DNAJC13: variants seen among roughly 807,000 people sequenced by gnomAD.
DNAJC13 encodes the protein dnaJ homolog subfamily C member 13.
A neutral mutation model predicts 290.5 loss-of-function variants in DNAJC13; 75 were observed. The observed-to-expected ratio is 0.26, with a 90% confidence interval of 0.21 to 0.31. The LOEUF (loss-of-function observed/expected upper bound fraction) is 0.31, where lower values mean the gene tolerates loss of function less well. Ranked by LOEUF, DNAJC13 falls within the 10% of genes least tolerant of loss-of-function variation. DNAJC13 has a pLI of 1.00. For missense variants in DNAJC13, 2,260 were observed against 2,674.5 expected (o/e 0.85, Z 3.42); for synonymous variants, 862 against 892.0 (o/e 0.97, Z 0.60).
In DNAJC13 at chr3:132,526,431, A is replaced by G. The variant is rs895955122; in HGVS notation, c.6381+150A>G. ...GTATAAACAATTTTATATTTTATAT[A>G]TACAAACACATACAGTAGTGTGTAT... On this transcript the variant is annotated intron_variant, in intron 53 of 55. Transcript: ENST00000260818. The G allele has an allele frequency of 1.1e-5, 9 of 812,612 alleles. No individual in the cohort carries two copies. The East Asian group carries it at 1.6e-4, about 15-fold the overall frequency. The allele number at this position is 812,612 out of a possible 1,614,324, so 50.3% of individuals were successfully genotyped here. A position where few individuals can be genotyped will look rare whatever the true frequency, so the allele number is the denominator to read the frequency against.
chr3:132,469,998 A>AT (rs1934141537), intron 20 of DNAJC13, among the ~76,000 whole-genome samples: 1 of 52,208 alleles, frequency 1.9e-5, no homozygotes, highest in Non-Finnish European at 3.8e-5. Flanking sequence ...TTTTTAATTT[A>AT]TTTTTTTATT....
chr3:132,529,355 C>G (rs1228721065), intron 54 of DNAJC13, among the ~76,000 whole-genome samples: 1 of 152,124 alleles, frequency 6.6e-6, no homozygotes, highest in Non-Finnish European at 1.5e-5. Flanking sequence ...TGGGTTATTT[C>G]CCCTACTAAT....
Position 132,477,873 on chromosome 3 carries a change from A to G in DNAJC13, c.2530A>G (p.Ser844Gly), listed in dbSNP as rs773001257. ...LLLEEDENEE[S>G]GSIKRSYEFF... The stretch of plus-strand genomic sequence containing the variant: ...ATTGGAGGAAGATGAGAATGAAGAA[A>G]GTGGATCAATTAAGAGATCGTGAGC... The change falls in exon 23 of 56, where the codon AGT (serine) becomes GGT (glycine). Residue 844 changes from serine (S) to glycine (G), a missense_variant. This residue lies in a region of DNAJC13 where 1,494 missense variants were observed against 1,693.7 expected (regional missense o/e 0.88). Coordinates refer to ENST00000260818, the MANE Select transcript of DNAJC13 (RefSeq NM_015268.4). The G allele has an allele frequency of 2.5e-6, 4 of 1,613,190 alleles. No homozygotes were observed. The highest frequency in any genetic ancestry group is 3.4e-6 in the Non-Finnish European group (4 of 1,179,604).
At chr3:132,533,868 T>C (rs1039387613) in intron 55 of DNAJC13, among the ~76,000 whole-genome samples, 3 of 152,192 alleles carry the variant, frequency 2.0e-5, no homozygotes, top group Non-Finnish European at 4.4e-5. Context: ...TAGGGGTTTA[T>C]CTTCAGAAAC....
In DNAJC13 at chr3:132,474,648, CT is replaced by C. The variant is rs148159904; in HGVS notation, c.2292-277del. Among the ~76,000 whole-genome samples, 14,010 of 150,152 alleles carry C rather than the reference CT, an allele frequency of 0.093. 810 individuals carry two copies. Among genetic ancestry groups the C allele is most frequent in the South Asian group, 0.14 (676 of 4,682 alleles). ...CAGATTTGTTTCATAGTTTAGGTTC[CT>C]TTTTTTCCTCAACTTTTTATTATGA... On this transcript the variant is annotated intron_variant, in intron 21 of 55. Coordinates refer to ENST00000260818, the MANE Select transcript of DNAJC13 (RefSeq NM_015268.4).
At chr3:132,438,053 A>G (rs1559868840) in intron 2 of DNAJC13, among the ~76,000 whole-genome samples, 6 of 144,838 alleles carry the variant, frequency 4.1e-5, no homozygotes, top group Admixed American at 4.1e-4. Context: ...CGTGTCTCAA[A>G]AAAAAAAAAA....
At chr3:132,509,116 C>G (rs1935694051) in intron 43 of DNAJC13, among the ~76,000 whole-genome samples, 1 of 152,222 alleles carries the variant, frequency 6.6e-6, no homozygotes, top group African/African-American at 2.4e-5. Context: ...AGTGATTCCT[C>G]TAATGGATGT....
chr3:132,532,733 T>A (rs1380059994), intron 55 of DNAJC13, among the ~76,000 whole-genome samples: 1 of 151,696 alleles, frequency 6.6e-6, no homozygotes, highest in Non-Finnish European at 1.5e-5. Flanking sequence ...ATCTGCCTTA[T>A]TTTTATTTTA....
chr3:132,431,298 AT>A (rs1202780730), intron 1 of DNAJC13, among the ~76,000 whole-genome samples: 1 of 152,222 alleles, frequency 6.6e-6, no homozygotes, highest in Admixed American at 6.5e-5. Flanking sequence ...TGAATAATAA[AT>A]TGCACATTAG....
chr3:132,457,299 A>G lies in DNAJC13; in HGVS notation c.1380A>G (p.Val460=). Reference sequence around the variant, plus strand: ...GCGAGCGTCTAGGGGTGAAGGTAGTAAAAGCACTCAAAAGAAGCAACAACG... The same window carrying G: ...GCGAGCGTCTAGGGGTGAAGGTAGTGAAAGCACTCAAAAGAAGCAACAACG... ...KFRERLGVKV[V]KALKRSNNGI... The change falls in exon 13 of 56, where the codon GTA becomes GTG. Residue 460 remains valine (V), a synonymous_variant. Transcript: ENST00000260818. The G allele has an allele frequency of 6.2e-7, 1 of 1,613,462 alleles. No individual in the cohort carries two copies. The highest frequency in any genetic ancestry group is 8.5e-7 in the Non-Finnish European group (1 of 1,179,640).
chr3:132,484,913 A>T (rs1190271088), intron 29 of DNAJC13, among the ~76,000 whole-genome samples: 1 of 151,888 alleles, frequency 6.6e-6, no homozygotes. Context: ...TACAAAAAAT[A>T]AATAAATAAA....
chr3:132,524,123 A>G (rs999103857), intron 51 of DNAJC13: 2 of 154,996 alleles, frequency 1.3e-5, no homozygotes, highest in African/African-American at 2.4e-5. Flanking sequence ...AGTCAAAGAA[A>G]TTGACAGAAG....
intron 1 of DNAJC13, among the ~76,000 whole-genome samples, chr3:132,418,902 A>G (rs1210918360): frequency 6.6e-6 from 1 of 152,264 alleles, no homozygotes; most frequent in Non-Finnish European, 1.5e-5. Flanking sequence ...AGTATGAAAC[A>G]GAATTTGCCT....
chr3:132,484,664 A>G lies in DNAJC13; in HGVS notation c.3259A>G (p.Ile1087Val), dbSNP rs1934794259. 2 of 1,613,396 alleles carry G rather than the reference A, an allele frequency of 1.2e-6. No homozygotes were observed. Among genetic ancestry groups the G allele is most frequent in the Admixed American group, 1.7e-5 (1 of 60,004 alleles). ...LLSDSTCLPH[I>V]IQLLLTFDPI... The stretch of plus-strand genomic sequence containing the variant: ...GTCAGATAGCACTTGCCTTCCCCAT[A>G]TTATTCAGGTGAGTTATGTAATCAA... Residue 1087 changes from isoleucine (I) to valine (V), a missense_variant, in exon 29 of 56, where the codon ATT (isoleucine) becomes GTT (valine). Ile to Val is a conservative substitution (Grantham distance 29). Around this residue, in one of 3 missense-constraint regions of DNAJC13, gnomAD observed 1,494 missense variants for 1,693.7 expected, o/e 0.88. Coordinates refer to ENST00000260818, the MANE Select transcript of DNAJC13 (RefSeq NM_015268.4).
chr3:132,511,327 C>T (rs1935774242), intron 44 of DNAJC13, 83 bp downstream of exon 44: 7 of 1,482,808 alleles, frequency 4.7e-6, no homozygotes, highest in Admixed American at 2.0e-5. Flanking sequence ...ATCAGGGAAA[C>T]TCAGGGAAAA....
chr3:132,446,482 C>T lies in DNAJC13; in HGVS notation c.76C>T (p.Arg26Cys). ...ACTTGTTTTCCTTTGTAGGTATAAG[C>T]GTGTCTTTTCAGTTGGAACTCATGC... ...TKHSWRGKYK[R>C]VFSVGTHAIT... The change falls in exon 3 of 56, where the codon CGT becomes TGT. Residue 26 changes from arginine (R) to cysteine (C), a missense_variant. Around this residue, in one of 3 missense-constraint regions of DNAJC13, gnomAD observed 762 missense variants for 964.1 expected, o/e 0.79. Coordinates refer to ENST00000260818, the MANE Select transcript of DNAJC13 (RefSeq NM_015268.4). 6.2e-7 allele frequency: 1 copy of T among 1,604,914 alleles called. No homozygotes were observed. Among genetic ancestry groups the T allele is most frequent in the Non-Finnish European group, 8.5e-7 (1 of 1,176,598 alleles).
chr3:132,494,720 A>G, intron 34 of DNAJC13, among the ~76,000 whole-genome samples: 1 of 152,198 alleles, frequency 6.6e-6, no homozygotes. Context: ...ACTTAAGTAT[A>G]GACTAAAACT....
chr3:132,502,389 A>G lies in DNAJC13; in HGVS notation c.4637A>G (p.Tyr1546Cys). 2 of 1,614,096 alleles carry G rather than the reference A, an allele frequency of 1.2e-6. No individual in the cohort carries two copies. The highest frequency in any genetic ancestry group is 1.7e-6 in the Non-Finnish European group (2 of 1,179,986). Residue 1546 changes from tyrosine (Y) to cysteine (C), a missense_variant, in exon 40 of 56, where the codon TAT becomes TGT. Around this residue, in one of 3 missense-constraint regions of DNAJC13, gnomAD observed 1,494 missense variants for 1,693.7 expected, o/e 0.88. Transcript: ENST00000260818. Reference sequence around the variant, plus strand: ...CTATTTCAGGCTGGAATTTTGTGGTATCTCCTTGGTTTTCTGTTTAATTAT... The same window carrying G: ...CTATTTCAGGCTGGAATTTTGTGGTGTCTCCTTGGTTTTCTGTTTAATTAT... ...THLFQAGILW[Y>C]LLGFLFNYDY... is the part of the protein sequence containing the mutation.
intron 43 of DNAJC13, among the ~76,000 whole-genome samples, chr3:132,509,404 G>A (rs141606000): frequency 1.3e-5 from 2 of 152,318 alleles, no homozygotes; most frequent in African/African-American, 4.8e-5. Flanking sequence ...AGAAAAAGGG[G>A]TTGCTTCTTG....
Sources: allele counts gnomAD v4.1 joint callset (sites outside exome capture counted in the v4.1 genomes callset), GRCh38; gene constraint gnomAD v4.1.1; regional missense constraint gnomAD v4.1.1; transcripts MANE v1.5; gene names NCBI Gene and HGNC (gene_info 2026-07-23, HGNC 2026-07-21).